The following LPCAT3 variants were observed in gnomAD, a reference collection of about 807,000 sequenced individuals.
LPCAT3 encodes the protein lysophosphatidylcholine acyltransferase 3, also known as lysophospholipid acyltransferase 5.
Under a neutral mutation model 63.4 loss-of-function variants are expected in LPCAT3, and 21 were observed. The ratio of observed to expected loss-of-function variants is 0.33; its 90% CI spans 0.23 to 0.48. The LOEUF is 0.48. LPCAT3 is among the 20% of genes least tolerant of loss of function. The pLI is 0.99. For synonymous variants in LPCAT3, 242 were observed against 227.5 expected, an observed-to-expected ratio of 1.06 and a Z score of -0.58; for missense variants, 451 against 590.6, an observed-to-expected ratio of 0.76 and a Z score of 2.45.
Position 6,982,791 on chromosome 12 carries a change from A to C in LPCAT3, c.260-9T>G, listed in dbSNP as rs781894691. ...GTGGTAGAGCTGGTTTCCTGGATGC[A>C]AGAAGAGAGAATTTAGCCTGGTTTT... On this transcript the variant is annotated splice_polypyrimidine_tract_variant and intron_variant, in intron 2 of 12. Coordinates refer to ENST00000261407, the MANE Select transcript of LPCAT3 (RefSeq NM_005768.6). 1 of 1,586,586 alleles carries C rather than the reference A, an allele frequency of 6.3e-7. No homozygotes were observed. The highest frequency in any genetic ancestry group is 8.7e-7 in the Non-Finnish European group (1 of 1,155,478).
chr12:6,995,899 T>C (rs1946632309), intron 1 of LPCAT3, among the ~76,000 whole-genome samples: 1 of 152,214 alleles, frequency 6.6e-6, no homozygotes, highest in Admixed American at 6.5e-5. Flanking sequence ...AATATATCAT[T>C]ATTATATTCA....
intron 1 of LPCAT3, among the ~76,000 whole-genome samples, chr12:6,995,688 C>G (rs1267986770): frequency 6.6e-6 from 1 of 152,010 alleles, no homozygotes; most frequent in African/African-American, 2.4e-5. Flanking sequence ...GCCTGCACCA[C>G]GTCTTCCCAG....
chr12:7,003,703 A>G (rs1243089940), intron 1 of LPCAT3, among the ~76,000 whole-genome samples: 1 of 151,616 alleles, frequency 6.6e-6, no homozygotes, highest in African/African-American at 2.4e-5. Flanking sequence ...CGGGTGGATC[A>G]TGAGGTCAGG....
At chr12:6,978,917 A>T in intron 7 of LPCAT3, 1 of 552,842 alleles carries the variant, frequency 1.8e-6, no homozygotes, top group Non-Finnish European at 3.1e-6. Flanking sequence ...CAAGGGCAGC[A>T]CTGTATTTAA....
At chr12:7,004,378 C>A (rs1020533140) in intron 1 of LPCAT3, among the ~76,000 whole-genome samples, 1 of 152,028 alleles carries the variant, frequency 6.6e-6, no homozygotes, top group African/African-American at 2.4e-5. Flanking sequence ...ATGTATTAAC[C>A]CACTTAATCC....
chr12:7,017,175 G>A lies in LPCAT3; in HGVS notation c.151+1099C>T, dbSNP rs782352643. 6.6e-6 allele frequency among the ~76,000 whole-genome samples: 1 copy of A among 152,120 alleles called. No homozygotes were observed. Among genetic ancestry groups the A allele is most frequent in the Non-Finnish European group, 1.5e-5 (1 of 68,036 alleles). ...AACCCTCTGCTCTAGCCCCAGTCCT[G>A]TTTCCTTATCACCACTTACAGCTTT... On this transcript the variant is annotated intron_variant, in intron 1 of 12. Transcript: ENST00000261407. This position sits in a 1 kb window ranked among gnomAD's most constrained non-coding sequence, Gnocchi z 4.1.
intron 1 of LPCAT3, among the ~76,000 whole-genome samples, chr12:6,985,304 G>A (rs1946511787): frequency 6.6e-6 from 1 of 152,042 alleles, no homozygotes; most frequent in Admixed American, 6.6e-5. Flanking sequence ...GCTGAGGCAG[G>A]AGAATGGCAT....
chr12:7,003,223 G>T (rs2138354931), intron 1 of LPCAT3, among the ~76,000 whole-genome samples: 1 of 152,138 alleles, frequency 6.6e-6, no homozygotes, highest in South Asian at 2.1e-4. Context: ...TTATTAAAAT[G>T]AGACTTAAAA....
intron 9 of LPCAT3, 79 bp downstream of exon 9, chr12:6,978,262 A>G (rs991014888): frequency 5.4e-6 from 8 of 1,482,140 alleles, no homozygotes; most frequent in Non-Finnish European, 4.6e-6. Context: ...TAGGGGTGAC[A>G]TGGTACACCC....
chr12:7,003,066 A>G (rs973443235), intron 1 of LPCAT3, among the ~76,000 whole-genome samples: 1 of 152,206 alleles, frequency 6.6e-6, no homozygotes, highest in African/African-American at 2.4e-5. Context: ...ATATACCAAC[A>G]TACATTTGTA....
intron 5 of LPCAT3, 143 bp downstream of exon 5, chr12:6,981,452 A>G: frequency 1.2e-6 from 1 of 854,106 alleles, no homozygotes; most frequent in Admixed American, 1.9e-5. Flanking sequence ...ATCCTTGCTC[A>G]GTGCTATCTG....
intron 1 of LPCAT3, among the ~76,000 whole-genome samples, chr12:6,988,670 A>G (rs1204909176): frequency 6.6e-6 from 1 of 152,116 alleles, no homozygotes; most frequent in East Asian, 1.9e-4. Flanking sequence ...AGTGGGAAGG[A>G]CTTCCACTTT....
chr12:6,981,962 A>G, intron 3 of LPCAT3, 58 bp from the exon 4 acceptor site: 2 of 894,210 alleles, frequency 2.2e-6, no homozygotes, highest in Admixed American at 3.6e-5. Flanking sequence ...CCTTGCTCTG[A>G]AATTCAATGT....
At chr12:7,001,681 G>C (rs782271310) in intron 1 of LPCAT3, among the ~76,000 whole-genome samples, 8 of 152,270 alleles carry the variant, frequency 5.3e-5, no homozygotes, top group Admixed American at 4.6e-4. Flanking sequence ...CTTTGAAGAG[G>C]AGAAGGGGCA....
At chr12:7,010,606 G>A (rs782530497) in intron 1 of LPCAT3, among the ~76,000 whole-genome samples, 22 of 152,104 alleles carry the variant, frequency 1.4e-4, no homozygotes, top group Non-Finnish European at 3.1e-4. Context: ...TTTAAAAGGC[G>A]ACTGAACTGG....
intron 1 of LPCAT3, 100 bp from the exon 2 acceptor site, chr12:6,983,639 G>GAA: frequency 5.8e-6 from 4 of 688,610 alleles, no homozygotes; most frequent in Non-Finnish European, 1.0e-5. Context: ...CAGAGGGAGA[G>GAA]AGAAAAAAAA....
At position 6,980,923 on chromosome 12, in the gene LPCAT3, T is replaced by C. The variant is rs943655935; in HGVS notation, c.677+81A>G. On this transcript the variant is annotated intron_variant, in intron 6 of 12. Coordinates refer to ENST00000261407, the MANE Select transcript of LPCAT3 (RefSeq NM_005768.6). ...TCAGGTCTCTATGCCAGGGTCATGC[T>C]GGAGAATGCAGCTTTCAGAAGAGTC... 4.3e-6 allele frequency: 6 copies of C among 1,385,448 alleles called. No individual in the cohort carries two copies. In the African/African-American group the frequency reaches 7.4e-5, roughly 17 times the overall value. 85.8% of individuals were successfully genotyped at this position (1,385,448 alleles called of 1,614,324 possible).
intron 1 of LPCAT3, among the ~76,000 whole-genome samples, chr12:7,014,198 C>G (rs1203208034): frequency 6.6e-6 from 1 of 152,228 alleles, no homozygotes; most frequent in Non-Finnish European, 1.5e-5. Flanking sequence ...TTATCTCAGG[C>G]CCATTTCCTA....
chr12:7,012,798 G>T (rs1442518923), intron 1 of LPCAT3, among the ~76,000 whole-genome samples: 1 of 152,198 alleles, frequency 6.6e-6, no homozygotes, highest in African/African-American at 2.4e-5. Context: ...TGGCACTTAA[G>T]AGTATCTGAT....
Sources: gnomAD v4.1 joint callset for allele counts (sites outside exome capture counted in the v4.1 genomes callset) on GRCh38, gnomAD v4.1.1 for gene constraint, Gnocchi (gnomAD v3.1) non-coding constraint, MANE v1.5 for transcripts, NCBI Gene and HGNC (gene_info 2026-07-23, HGNC 2026-07-21) for gene names.